The following SHE variants were observed in gnomAD, a reference collection of about 807,000 sequenced individuals.
The protein encoded by SHE is SH2 domain-containing adapter protein E.
A neutral mutation model predicts 49.8 loss-of-function variants in SHE; 11 were observed. That is an observed-to-expected ratio of 0.22 (90% confidence interval 0.14 to 0.37). The LOEUF (loss-of-function observed/expected upper bound fraction) is 0.37. Ranked by LOEUF, SHE falls within the 10% of genes least tolerant of loss-of-function variation. SHE has a pLI of 1.00. For missense variants in SHE, 624 were observed against 655.5 expected, an observed-to-expected ratio of 0.95 and a Z score of 0.52; for synonymous variants, 310 against 278.1, an observed-to-expected ratio of 1.11 and a Z score of -1.14.
At position 154,484,123 on chromosome 1, in the gene SHE, G is replaced by A; in HGVS notation, c.*26C>T. On this transcript the variant is annotated 3_prime_UTR_variant, in exon 6 of 6. Coordinates refer to ENST00000304760, the MANE Select transcript of SHE (RefSeq NM_001010846.3). Reference sequence around the variant, plus strand: ...TGATGATGCCCTTGAAGGTGCCAGAGGCCCAGGGCTTGCAGTGGCTGAATC... The same window carrying A: ...TGATGATGCCCTTGAAGGTGCCAGAAGCCCAGGGCTTGCAGTGGCTGAATC... 1 of 1,603,054 alleles carries A rather than the reference G, an allele frequency of 6.2e-7. No individual in the cohort carries two copies. The highest frequency in any genetic ancestry group is 8.5e-7 in the Non-Finnish European group (1 of 1,171,966).
At chr1:154,488,940 A>G (rs978921029) in intron 3 of SHE, 111 bp downstream of exon 3, 2 of 1,355,552 alleles carry the variant, frequency 1.5e-6, no homozygotes, top group Admixed American at 2.4e-5. Flanking sequence ...TTGCACATTG[A>G]GAAGAGAAAG....
intron 2 of SHE, among the ~76,000 whole-genome samples, chr1:154,498,395 CTT>C (rs779336870): frequency 2.2e-5 from 3 of 133,704 alleles, no homozygotes; most frequent in African/African-American, 2.8e-5. Flanking sequence ...TGCGCCTGGC[CTT>C]TTTTTTTTTT....
intron 2 of SHE, among the ~76,000 whole-genome samples, chr1:154,495,694 TC>T (rs1302355049): frequency 1.3e-5 from 2 of 151,962 alleles, no homozygotes; most frequent in African/African-American, 2.4e-5. Flanking sequence ...GGGTCTTGTT[TC>T]CTGTATGCCC....
Position 154,501,606 on chromosome 1 carries a change from T to C in SHE, c.421A>G (p.Ser141Gly). The C allele has an allele frequency of 2.5e-6, 4 of 1,614,224 alleles. No individual in the cohort carries two copies. The highest frequency in any genetic ancestry group is 3.4e-6 in the Non-Finnish European group (4 of 1,180,028). ...TTGATGAGCCTGTTGATGTAGGTGC[T>C]GCAGCCCGAGCTCTTGGTTGCACCC... ...HRGATKSSGC[S>G]TYINRLIKVD... Residue 141 changes from serine to glycine, a missense_variant, in exon 1 of 6, where the codon AGC (serine) becomes GGC (glycine). Around this residue, in one of 4 missense-constraint regions of SHE, gnomAD observed 337 missense variants for 306.0 expected, o/e 1.10. Coordinates refer to ENST00000304760, the MANE Select transcript of SHE (RefSeq NM_001010846.3).
At chr1:154,501,159 C>A (rs1181800492) in intron 1 of SHE, among the ~76,000 whole-genome samples, 3 of 152,272 alleles carry the variant, frequency 2.0e-5, no homozygotes, top group South Asian at 2.1e-4. Flanking sequence ...TGTAACCAAA[C>A]AGGAATATCT....
rs138902050 is a variant in SHE, at chr1:154,493,066, G to A, written c.719-3710C>T. 3.2e-3 allele frequency among the ~76,000 whole-genome samples: 483 copies of A among 152,318 alleles called. 2 individuals carry two copies. The highest frequency in any genetic ancestry group is 0.011 in the African/African-American group (467 of 41,568). On this transcript the variant is annotated intron_variant, in intron 2 of 5. Transcript: ENST00000304760. ...GAGTTCTTATTACACACGCGTTTGA[G>A]TTTTTACTTTTGCAACGAGGTCCTT...
chr1:154,471,598 ACAC>A (rs1691744140), intron 1 of SHE, among the ~76,000 whole-genome samples: 1 of 151,942 alleles, frequency 6.6e-6, no homozygotes, highest in African/African-American at 2.4e-5. Context: ...AGCAAACAAA[ACAC>A]CACTAGTTCA....
At chr1:154,496,990 T>C (rs906655479) in intron 2 of SHE, among the ~76,000 whole-genome samples, 1 of 152,208 alleles carries the variant, frequency 6.6e-6, no homozygotes, top group Non-Finnish European at 1.5e-5. Context: ...AGTAAATTCT[T>C]TTCCCTATTC....
chr1:154,487,829 G>C (rs1470551918), intron 3 of SHE, among the ~76,000 whole-genome samples: 2 of 143,946 alleles, frequency 1.4e-5, no homozygotes, highest in Non-Finnish European at 1.5e-5. Flanking sequence ...CAGCCTGGGT[G>C]ACAGAGTGAG....
At position 154,479,870 on chromosome 1, in the gene SHE, C is replaced by CT. The variant is rs1557794103; in HGVS notation, c.*4278_*4279insA. 2.9e-5 allele frequency: 29 copies of CT among 985,422 alleles called. No homozygotes were observed. Among genetic ancestry groups the CT allele is most frequent in the Admixed American group, 2.5e-4 (4 of 16,280 alleles). 61.0% of individuals were successfully genotyped at this position (985,422 alleles called of 1,614,324 possible). A position where few individuals can be genotyped will look rare whatever the true frequency, so the allele number is the denominator to read the frequency against. On this transcript the variant is annotated 3_prime_UTR_variant, in exon 6 of 6. Coordinates refer to ENST00000304760, the MANE Select transcript of SHE (RefSeq NM_001010846.3). The stretch of plus-strand genomic sequence containing the variant: ...GTATTAGACTTCAAAACACCCTTTC[C>CT]GCAGGAAAGGGCATTTTTCAAGATG...
chr1:154,495,178 A>C (rs556051670), intron 2 of SHE, among the ~76,000 whole-genome samples: 20 of 152,362 alleles, frequency 1.3e-4, no homozygotes, highest in African/African-American at 4.8e-4. Context: ...AAGAATCCTC[A>C]TGCTAACTAG....
chr1:154,488,905 G>T, intron 3 of SHE, 146 bp downstream of exon 3: 2 of 1,142,878 alleles, frequency 1.7e-6, no homozygotes, highest in Non-Finnish European at 1.2e-6. Context: ...TCTTTCAATG[G>T]TCATTTCAGG....
rs140578449 is a variant in SHE at position 154,496,594 on chromosome 1, G to T, written c.718+2518C>A. Among the ~76,000 whole-genome samples the T allele has an allele frequency of 6.6e-4, 101 of 152,206 alleles. 1 individual carries two copies. The highest frequency in any genetic ancestry group is 2.3e-3 in the African/African-American group (95 of 41,504). On this transcript the variant is annotated intron_variant, in intron 2 of 5. Transcript: ENST00000304760. Reference sequence around the variant, plus strand: ...GTGTCAGGGGCAGACCACTCAATGTGGAGTGGGAGATCCGGGTGCTAATTC... The same window carrying T: ...GTGTCAGGGGCAGACCACTCAATGTTGAGTGGGAGATCCGGGTGCTAATTC...
intron 2 of SHE, among the ~76,000 whole-genome samples, chr1:154,494,644 T>C (rs1692469775): frequency 6.6e-6 from 1 of 151,336 alleles, no homozygotes. Context: ...AAATAATCTT[T>C]GACTGGAGCT....
At chr1:154,478,650 T>C (rs571092861), downstream of SHE, among the ~76,000 whole-genome samples, 143 of 152,058 alleles carry the variant, frequency 9.4e-4, 2 homozygotes, top group Admixed American at 9.8e-4. Context: ...GGAAAAAGAG[T>C]CTATTCTCAC....
At chr1:154,501,359 AAAG>A in intron 1 of SHE, 74 bp downstream of exon 1, 1 of 1,401,728 alleles carries the variant, frequency 7.1e-7, no homozygotes, top group Non-Finnish European at 9.9e-7. Flanking sequence ...TCTTAGGTCT[AAAG>A]AAGCCTAGGG....
intron 1 of SHE, among the ~76,000 whole-genome samples, chr1:154,472,845 A>G (rs1691777043): frequency 1.3e-5 from 2 of 152,156 alleles, no homozygotes; most frequent in South Asian, 4.1e-4. Flanking sequence ...TGTGGTAGAG[A>G]TATCTACTAA....
intron 3 of SHE, among the ~76,000 whole-genome samples, chr1:154,488,238 G>A (rs548048433): frequency 1.3e-5 from 2 of 150,942 alleles, no homozygotes; most frequent in East Asian, 3.9e-4. Flanking sequence ...ACCACACCCA[G>A]CATAGTTATA....
chr1:154,486,397 AT>A, intron 4 of SHE, 129 bp downstream of exon 4: 1 of 1,325,854 alleles, frequency 7.5e-7, no homozygotes, highest in Non-Finnish European at 1.0e-6. Context: ...ATGGGTTTTC[AT>A]TAAAAACCCC....
Sources: allele counts gnomAD v4.1 joint callset (sites outside exome capture counted in the v4.1 genomes callset), GRCh38; gene constraint gnomAD v4.1.1; regional missense constraint gnomAD v4.1.1; transcripts MANE v1.5; gene names NCBI Gene and HGNC (gene_info 2026-07-23, HGNC 2026-07-21).